The following ZCCHC7 variants were observed in gnomAD, a reference collection of about 807,000 sequenced individuals.
ZCCHC7 encodes zinc finger CCHC domain-containing protein 7.
In ZCCHC7, 35 loss-of-function variants were observed where a neutral mutation model predicts 52.0. The observed-to-expected ratio is 0.67, with a 90% CI of 0.51 to 0.89. The LOEUF is 0.89. ZCCHC7 is among the 40% of genes least tolerant of loss of function. The pLI is 0.00. For synonymous variants in ZCCHC7, 217 were observed against 221.5 expected (o/e 0.98, Z 0.18); for missense variants, 574 against 649.1 (o/e 0.88, Z 1.26).
rs537093665 is a variant in ZCCHC7, at chr9:37,336,851, A to C, written c.987+9017A>C. On this transcript the variant is annotated intron_variant, in intron 6 of 8. Transcript: ENST00000336755. The stretch of plus-strand genomic sequence containing the variant: ...CCATGCCTTCATCCCTCTATCCTGC[A>C]TCAAAGCTTGTGGTCCTTCTCCATC... Among the ~76,000 whole-genome samples the C allele has an allele frequency of 4.6e-5, 7 of 152,178 alleles. No individual in the cohort carries two copies. In the South Asian group the frequency reaches 1.4e-3, roughly 32 times the overall value.
intron 2 of ZCCHC7, among the ~76,000 whole-genome samples, chr9:37,142,237 T>A (rs1843261349): frequency 1.3e-5 from 2 of 151,890 alleles, no homozygotes; most frequent in South Asian, 2.1e-4. Context: ...AACCTTGTAA[T>A]GTTGATACAT....
intron 2 of ZCCHC7, among the ~76,000 whole-genome samples, chr9:37,301,380 T>G (rs529859041): frequency 6.6e-6 from 1 of 152,216 alleles, no homozygotes; most frequent in East Asian, 1.9e-4. Flanking sequence ...GTGGATCTCT[T>G]GAGCTCAGGA....
At chr9:37,197,206 C>G (rs992886586) in intron 2 of ZCCHC7, among the ~76,000 whole-genome samples, 6 of 151,822 alleles carry the variant, frequency 4.0e-5, no homozygotes, top group Non-Finnish European at 7.4e-5. Flanking sequence ...TAGTGTGATA[C>G]TTTGAAGGCA....
intron 2 of ZCCHC7, among the ~76,000 whole-genome samples, chr9:37,279,983 T>C (rs1827873079): frequency 6.6e-6 from 1 of 151,902 alleles, no homozygotes; most frequent in South Asian, 2.1e-4. Flanking sequence ...TGAAACCCTG[T>C]CTCTACTAAA....
At chr9:37,249,937 C>G (rs1260462202) in intron 2 of ZCCHC7, among the ~76,000 whole-genome samples, 1 of 152,192 alleles carries the variant, frequency 6.6e-6, no homozygotes, top group Non-Finnish European at 1.5e-5. Flanking sequence ...GGCTCCACCG[C>G]TCTTCCTGCC....
At chr9:37,226,896 G>C (rs1825134888) in intron 2 of ZCCHC7, among the ~76,000 whole-genome samples, 1 of 152,004 alleles carries the variant, frequency 6.6e-6, no homozygotes, top group African/African-American at 2.4e-5. Context: ...GGGCTTGGGT[G>C]GTGGGCGCCT....
chr9:37,295,960 A>G (rs1828765369), intron 2 of ZCCHC7, among the ~76,000 whole-genome samples: 1 of 152,194 alleles, frequency 6.6e-6, no homozygotes, highest in African/African-American at 2.4e-5. Context: ...TCTATCAGCC[A>G]AGAGAATTGT....
intron 2 of ZCCHC7, among the ~76,000 whole-genome samples, chr9:37,173,499 C>G (rs945641090): frequency 1.3e-5 from 2 of 152,174 alleles, no homozygotes; most frequent in Non-Finnish European, 2.9e-5. Flanking sequence ...ACAGAGATCT[C>G]TGATGGTATG....
At position 37,138,774 on chromosome 9, in the gene ZCCHC7, T is replaced by A. The variant is rs1331061984; in HGVS notation, c.610+11832T>A. 2.0e-5 allele frequency among the ~76,000 whole-genome samples: 3 copies of A among 151,814 alleles called. No homozygotes were observed. The East Asian group carries it at 5.8e-4, about 29-fold the overall frequency. On this transcript the variant is annotated intron_variant, in intron 2 of 8. Coordinates refer to ENST00000336755, the MANE Select transcript of ZCCHC7 (RefSeq NM_032226.3). ...CATTTTCTTCCTTGTCAGAAGAGCT[T>A]GAATCCTGATGTCTTTTTAAGTGAA... is the stretch of plus-strand genomic sequence containing the variant.
At chr9:37,237,610 C>T (rs1431359196) in intron 2 of ZCCHC7, among the ~76,000 whole-genome samples, 1 of 152,170 alleles carries the variant, frequency 6.6e-6, no homozygotes, top group Non-Finnish European at 1.5e-5. Context: ...ACACAATGGT[C>T]ACTTAGTTCA....
At chr9:37,154,240 C>T (rs1820690583) in intron 2 of ZCCHC7, among the ~76,000 whole-genome samples, 1 of 152,044 alleles carries the variant, frequency 6.6e-6, no homozygotes, top group Non-Finnish European at 1.5e-5. Context: ...ACTCTTCTTT[C>T]CTTCTTTATT....
intron 6 of ZCCHC7, among the ~76,000 whole-genome samples, chr9:37,347,503 C>T (rs1386305708): frequency 6.6e-6 from 1 of 152,140 alleles, no homozygotes; most frequent in East Asian, 1.9e-4. Context: ...ATGTAAAATA[C>T]ATGTGCAAAA....
intron 2 of ZCCHC7, among the ~76,000 whole-genome samples, chr9:37,269,670 T>C (rs1827307885): frequency 6.9e-6 from 1 of 145,106 alleles, no homozygotes; most frequent in Admixed American, 6.9e-5. Flanking sequence ...AGGCATGATA[T>C]GATAATGTTG....
chr9:37,226,865 C>T (rs1286539427), intron 2 of ZCCHC7, among the ~76,000 whole-genome samples: 1 of 151,916 alleles, frequency 6.6e-6, no homozygotes, highest in East Asian at 1.9e-4. Context: ...CCTGTCTCTA[C>T]TAAAAATCCA....
intron 5 of ZCCHC7, among the ~76,000 whole-genome samples, chr9:37,315,118 TAAA>T (rs536319223): frequency 4.9e-5 from 7 of 142,096 alleles, no homozygotes; most frequent in African/African-American, 1.5e-4. Context: ...ATATTTCAGT[TAAA>T]AAAAAAAAAA....
At chr9:37,325,031 A>G (rs1395372810) in intron 5 of ZCCHC7, among the ~76,000 whole-genome samples, 1 of 152,234 alleles carries the variant, frequency 6.6e-6, no homozygotes, top group Non-Finnish European at 1.5e-5. Flanking sequence ...GCACCTGATA[A>G]AATTCAATAT....
chr9:37,318,764 T>C (rs1829931936), intron 5 of ZCCHC7, among the ~76,000 whole-genome samples: 1 of 151,170 alleles, frequency 6.6e-6, no homozygotes, highest in Non-Finnish European at 1.5e-5. Flanking sequence ...AATACAAAAA[T>C]TAGCCAGGCG....
chr9:37,314,573 G>A (rs1453026903), intron 5 of ZCCHC7, among the ~76,000 whole-genome samples: 1 of 151,874 alleles, frequency 6.6e-6, no homozygotes. Flanking sequence ...ACAACTCTAA[G>A]GCTAAAAGAT....
At chr9:37,126,978 A>G (rs1294788270) in intron 2 of ZCCHC7, 36 bp downstream of exon 2, 7 of 1,598,716 alleles carry the variant, frequency 4.4e-6, no homozygotes, top group African/African-American at 2.7e-5. Flanking sequence ...AAGTAGTATC[A>G]TCTTTCATAA....
Sources: allele counts gnomAD v4.1 joint callset (sites outside exome capture counted in the v4.1 genomes callset), GRCh38; gene constraint gnomAD v4.1.1; transcripts MANE v1.5; gene names NCBI Gene and HGNC (gene_info 2026-07-23, HGNC 2026-07-21).